Variants in HTR3E observed in about 807,000 individuals in gnomAD.
The protein encoded by HTR3E is 5-hydroxytryptamine receptor 3E.
HTR3E carries 38 observed loss-of-function variants against 38.0 expected under a neutral mutation model. That is an observed-to-expected ratio of 1.00 (90% CI 0.77 to 1.31). The LOEUF (loss-of-function observed/expected upper bound fraction) is 1.31. HTR3E is among the 50% of genes most tolerant of loss of function. The pLI is 0.00. For missense variants in HTR3E, 547 were observed against 585.2 expected, an observed-to-expected ratio of 0.93 and a Z score of 0.67; for synonymous variants, 210 against 232.9, an observed-to-expected ratio of 0.90 and a Z score of 0.89.
At position 184,106,533 on chromosome 3, in the gene HTR3E, C is replaced by G; in HGVS notation, c.1211C>G (p.Ser404Ter). 6.2e-7 allele frequency: 1 copy of G among 1,613,700 alleles called. No homozygotes were observed. Reference sequence around the variant, plus strand: ...GCGGAGGCAGAGCTGACAGGGGGCTCAGAATGGACAAGGGCCCAGCGGGAA... The same window carrying G: ...GCGGAGGCAGAGCTGACAGGGGGCTGAGAATGGACAAGGGCCCAGCGGGAA... Reference protein sequence around the residue: ...GPAEAELTGGSEWTRAQREHE... With the variant: ...GPAEAELTGG The change falls in exon 9 of 9, where the codon TCA becomes TGA. Residue 404 changes from serine (S) to a stop codon, truncating the protein, a stop_gained. Transcript: ENST00000415389. LOFTEE classifies it low-confidence loss of function (END_TRUNC). This position sits in a 1 kb window ranked among gnomAD's most constrained non-coding sequence, Gnocchi z 4.1.
rs1467254484 is a variant in HTR3E at position 184,097,480 on chromosome 3, G to A, written c.-50G>A. 1.5e-6 allele frequency: 2 copies of A among 1,370,616 alleles called. No homozygotes were observed. Among genetic ancestry groups the A allele is most frequent in the South Asian group, 2.5e-5 (2 of 80,632 alleles). The allele number at this position is 1,370,616 out of a possible 1,614,324, so 84.9% of individuals were successfully genotyped here. A position where few individuals can be genotyped will look rare whatever the true frequency, so the allele number is the denominator to read the frequency against. ...GTGTGGCCTGTGCTGCTTTAATCTG[G>A]GCATTCCTGGGTCCCAGTACATGTT... On this transcript the variant is annotated 5_prime_UTR_variant, in exon 1 of 9. Transcript: ENST00000415389.
At position 184,100,485 on chromosome 3, in the gene HTR3E, G is replaced by C. The variant is rs1386353799; in HGVS notation, c.68G>C (p.Gly23Ala). ...FYLLLGFLLQ[G>A]RGVTFTINCS... ...CTCACACATTCGATGTCCACTACAG[G>C]AAGGGGCGTTACTTTCACCATCAAT... The change falls in exon 2 of 9, where the codon GGA (glycine) becomes GCA (alanine). Residue 23 changes from glycine to alanine, a missense_variant and splice_region_variant. Physicochemically the swap from Gly to Ala is moderately conservative, Grantham distance 60. Coordinates refer to ENST00000415389, the MANE Select transcript of HTR3E (RefSeq NM_001256613.2). 4 of 1,614,052 alleles carry C rather than the reference G, an allele frequency of 2.5e-6. No individual in the cohort carries two copies. The highest frequency in any genetic ancestry group is 3.4e-6 in the Non-Finnish European group (4 of 1,180,054).
Position 184,100,593 on chromosome 3 carries a change from A to G in HTR3E, c.176A>G (p.Asn59Ser), listed in dbSNP as rs1026397110. Reference protein sequence around the residue: ...FNRKPFRPVTNISVPTQVNIS... With the variant: ...FNRKPFRPVTSISVPTQVNIS... ...AGAAAGCCCTTCCGTCCGGTCACCA[A>G]CATCAGCGTCCCCACCCAAGTCAAC... is the stretch of plus-strand genomic sequence containing the variant. The change falls in exon 2 of 9, where the codon AAC (asparagine) becomes AGC (serine). Residue 59 changes from asparagine to serine, a missense_variant. By Grantham distance (46) the Asn-to-Ser change is conservative (BLOSUM62 1). Coordinates refer to ENST00000415389, the MANE Select transcript of HTR3E (RefSeq NM_001256613.2). The G allele has an allele frequency of 6.2e-7, 1 of 1,613,940 alleles. No individual in the cohort carries two copies. The highest frequency in any genetic ancestry group is 1.7e-5 in the Admixed American group (1 of 59,996).
chr3:184,100,418 G>A (rs1264966214), intron 1 of HTR3E, 67 bp from the exon 2 acceptor site: 2 of 1,613,032 alleles, frequency 1.2e-6, no homozygotes, highest in African/African-American at 1.3e-5. Context: ...CCCTGCCTTG[G>A]GGCCCCTCTC....
intron 2 of HTR3E, 127 bp downstream of exon 2, chr3:184,100,778 G>A: frequency 7.4e-7 from 1 of 1,355,550 alleles, no homozygotes; most frequent in African/African-American, 1.5e-5. Context: ...CATTTGCCTG[G>A]CATGGGGATC....
chr3:184,104,193 C>T lies in HTR3E; in HGVS notation c.291C>T (p.Asn97=), dbSNP rs1434718131. ...CACCTGGGCTCTAGGTTTGGGATAA[C>T]CCATTTATCAGCTGGAACCCAGAGG... is the stretch of plus-strand genomic sequence containing the variant. ...SFLWLEMVWD[N]PFISWNPEEC... Residue 97 remains asparagine (N), a synonymous_variant, in exon 4 of 9, where the codon AAC becomes AAT. Transcript: ENST00000415389. The T allele has an allele frequency of 6.2e-7, 1 of 1,609,886 alleles. No individual in the cohort carries two copies. The highest frequency in any genetic ancestry group is 1.3e-5 in the African/African-American group (1 of 74,570).
rs542946982 is a variant in HTR3E at position 184,106,046 on chromosome 3, C to T, written c.925+77C>T. 8.2e-5 allele frequency: 132 copies of T among 1,607,924 alleles called. 1 individual carries two copies. In the South Asian group the frequency reaches 1.0e-3, roughly 12 times the overall value. Reference sequence around the variant, plus strand: ...GGGAGGTATTTTGGAAAAAGGAGGCCGTATGCCTGCCAGGGTGGGATTGGA... The same window carrying T: ...GGGAGGTATTTTGGAAAAAGGAGGCTGTATGCCTGCCAGGGTGGGATTGGA... On this transcript the variant is annotated intron_variant, in intron 7 of 8. Coordinates refer to ENST00000415389, the MANE Select transcript of HTR3E (RefSeq NM_001256613.2). The surrounding 1 kb of genome is among the most constrained non-coding windows in gnomAD (Gnocchi z 4.1).
At position 184,104,277 on chromosome 3, in the gene HTR3E, T is replaced by C. The variant is rs567190532; in HGVS notation, c.375T>C (p.Ile125=). The C allele has an allele frequency of 1.2e-6, 2 of 1,612,010 alleles. No individual in the cohort carries two copies. The highest frequency in any genetic ancestry group is 1.7e-4 in the Middle Eastern group (1 of 6,018). ...CCAAGAACCTGTGGCTCCCAGACAT[T>C]TTCATCATTGAACTGTGCGTATCAA... ...MAAKNLWLPD[I]FIIELMDVDK... Residue 125 remains isoleucine, a synonymous_variant, in exon 4 of 9, where the codon ATT becomes ATC. Coordinates refer to ENST00000415389, the MANE Select transcript of HTR3E (RefSeq NM_001256613.2).
chr3:184,097,578 C>G lies in HTR3E; in HGVS notation c.49C>G (p.Leu17Val). Residue 17 changes from leucine (L) to valine (V), a missense_variant, in exon 1 of 9, where the codon CTC becomes GTC. Coordinates refer to ENST00000415389, the MANE Select transcript of HTR3E (RefSeq NM_001256613.2). ...GAAAAGATTTTCCTTCTACCTCCTTCTCGGTTTTCTGCTTCAAGGTAAGAA... is the reference window on the plus strand; with the variant it reads ...GAAAAGATTTTCCTTCTACCTCCTTGTCGGTTTTCTGCTTCAAGGTAAGAA... The part of the protein sequence containing the change: ...HRKRFSFYLL[L>V]GFLLQGRGVT... 1 of 1,535,914 alleles carries G rather than the reference C, an allele frequency of 6.5e-7. No individual in the cohort carries two copies. Among genetic ancestry groups the G allele is most frequent in the Non-Finnish European group, 8.7e-7 (1 of 1,146,740 alleles).
Position 184,101,387 on chromosome 3 carries a change from T to C in HTR3E, c.235-98T>C. The C allele has an allele frequency of 4.0e-6, 4 of 990,550 alleles. No homozygotes were observed. The Admixed American group carries it at 6.8e-5, about 17-fold the overall frequency. 61.4% of individuals were successfully genotyped at this position (990,550 alleles called of 1,614,324 possible). On this transcript the variant is annotated intron_variant, in intron 2 of 8. Transcript: ENST00000415389. ...TTTGTTCTGGATCACATATCCCCTT[T>C]ATATACCTTGGGAGTTGGTAAACAA...
chr3:184,099,727 A>T (rs1489992731), intron 1 of HTR3E, among the ~76,000 whole-genome samples: 1 of 144,958 alleles, frequency 6.9e-6, no homozygotes, highest in African/African-American at 2.7e-5. Context: ...TCTCAAAAAA[A>T]AAAAAAAAAA....
Position 184,106,118 on chromosome 3 carries a change from T to C in HTR3E, c.926-10T>C. 1 of 1,613,632 alleles carries C rather than the reference T, an allele frequency of 6.2e-7. No individual in the cohort carries two copies. Among genetic ancestry groups the C allele is most frequent in the South Asian group, 1.1e-5 (1 of 91,050 alleles). ...GCCTCTGGCCCTCACTAGGCCCCCC[T>C]TCCCTCCAGGTGTCTACTTCGCCCT... is the stretch of plus-strand genomic sequence containing the variant. On this transcript the variant is annotated splice_polypyrimidine_tract_variant and intron_variant, in intron 7 of 8. Coordinates refer to ENST00000415389, the MANE Select transcript of HTR3E (RefSeq NM_001256613.2). This position sits in a 1 kb window ranked among gnomAD's most constrained non-coding sequence, Gnocchi z 4.1.
In HTR3E at chr3:184,101,182, G is replaced by A. The variant is rs1020872556; in HGVS notation, c.235-303G>A. ...TGGTCTCAAACTCCTGACCTCAAGT[G>A]ATCTGCCTGTCTCGGCCTCCCAGGC... On this transcript the variant is annotated intron_variant, in intron 2 of 8. Transcript: ENST00000415389. Among the ~76,000 whole-genome samples the A allele has an allele frequency of 6.6e-5, 10 of 152,170 alleles. No individual in the cohort carries two copies. The South Asian group carries it at 2.1e-3, about 32-fold the overall frequency.
In HTR3E at chr3:184,104,759, C is replaced by T. The variant is rs369201481; in HGVS notation, c.390-28C>T. 7.7e-6 allele frequency: 12 copies of T among 1,548,588 alleles called. No individual in the cohort carries two copies. In the South Asian group the frequency reaches 1.2e-4, roughly 16 times the overall value. ...AAAAAGAGAGAGAGAAACTGCAGCA[C>T]CTGCCTCTTGCGTTATCTCTCCTCC... On this transcript the variant is annotated intron_variant, in intron 4 of 8. Transcript: ENST00000415389.
intron 2 of HTR3E, 108 bp downstream of exon 2, chr3:184,100,759 G>A: frequency 6.8e-7 from 1 of 1,473,716 alleles, no homozygotes. Flanking sequence ...CTCCACCACT[G>A]CTGGATGGCA....
At chr3:184,100,696 T>A (rs775174926) in intron 2 of HTR3E, 45 bp downstream of exon 2, 4 of 1,583,832 alleles carry the variant, frequency 2.5e-6, no homozygotes, top group Non-Finnish European at 3.4e-6. Flanking sequence ...CTTAACCTTT[T>A]TCCAGCCCCT....
intron 1 of HTR3E, 44 bp downstream of exon 1, chr3:184,097,640 C>A (rs756651225): frequency 1.3e-5 from 18 of 1,436,232 alleles, no homozygotes; most frequent in Non-Finnish European, 1.7e-5. Flanking sequence ...GAAGGAGGAC[C>A]TCTCTCTAGT....
intron 5 of HTR3E, 54 bp downstream of exon 5, chr3:184,105,010 T>C: frequency 2.6e-6 from 4 of 1,519,288 alleles, no homozygotes; most frequent in East Asian, 2.3e-5. Context: ...CCAACAAATA[T>C]AAAGAAACTA....
intron 1 of HTR3E, among the ~76,000 whole-genome samples, chr3:184,099,891 G>C (rs1406144307): frequency 6.6e-6 from 1 of 152,238 alleles, no homozygotes; most frequent in East Asian, 1.9e-4. Context: ...TGTTCTCTCC[G>C]GGGCCCCGGG....
Sources: allele counts gnomAD v4.1 joint callset (sites outside exome capture counted in the v4.1 genomes callset), GRCh38; gene constraint gnomAD v4.1.1; non-coding constraint Gnocchi (gnomAD v3.1); transcripts MANE v1.5; gene names NCBI Gene and HGNC (gene_info 2026-07-23, HGNC 2026-07-21).